TMCC1: variants seen among roughly 807,000 people sequenced by gnomAD.
TMCC1 encodes transmembrane and coiled-coil domain family 1, also known as transmembrane and coiled-coil domains protein 1.
In TMCC1, 15 loss-of-function variants were observed where a neutral mutation model predicts 52.4. The ratio of observed to expected loss-of-function variants is 0.29; its 90% CI spans 0.19 to 0.44. The LOEUF (loss-of-function observed/expected upper bound fraction) is 0.44. TMCC1 is among the 20% of genes least tolerant of loss of function. The pLI is 1.00. For missense variants in TMCC1, 503 were observed against 806.0 expected, an observed-to-expected ratio of 0.62 and a Z score of 4.55; for synonymous variants, 279 against 301.9, an observed-to-expected ratio of 0.92 and a Z score of 0.79.
At chr3:129,659,612 A>G (rs971870788) in intron 5 of TMCC1, among the ~76,000 whole-genome samples, 24 of 152,218 alleles carry the variant, frequency 1.6e-4, no homozygotes, top group African/African-American at 5.5e-4. Flanking sequence ...AGTCCTCAGC[A>G]CTTATTCCCA....
At chr3:129,682,323 C>G (rs370741976) in intron 4 of TMCC1, among the ~76,000 whole-genome samples, 5 of 152,042 alleles carry the variant, frequency 3.3e-5, no homozygotes, top group East Asian at 3.9e-4. Flanking sequence ...ATTCTTGACA[C>G]GTATCATGAA....
intron 4 of TMCC1, among the ~76,000 whole-genome samples, chr3:129,734,411 T>C (rs2050778753): frequency 6.6e-6 from 1 of 152,212 alleles, no homozygotes; most frequent in Non-Finnish European, 1.5e-5. Context: ...CAGATGTACA[T>C]GCAATACAAG....
At chr3:129,721,184 C>T (rs1389668741) in intron 4 of TMCC1, among the ~76,000 whole-genome samples, 3 of 152,206 alleles carry the variant, frequency 2.0e-5, no homozygotes, top group Non-Finnish European at 4.4e-5. Context: ...GTACCCCTGC[C>T]TGGAATGCTC....
At chr3:129,882,905 G>C (rs1325396671) in intron 1 of TMCC1, among the ~76,000 whole-genome samples, 2 of 152,166 alleles carry the variant, frequency 1.3e-5, no homozygotes, top group Non-Finnish European at 2.9e-5. Context: ...CTTTCAGTTT[G>C]CAAGATGAAA....
At chr3:129,716,474 A>G (rs988626414) in intron 4 of TMCC1, among the ~76,000 whole-genome samples, 3 of 149,642 alleles carry the variant, frequency 2.0e-5, no homozygotes, top group Non-Finnish European at 4.4e-5. Flanking sequence ...AGCTGGGACT[A>G]CAGGTGCCTG....
intron 2 of TMCC1, among the ~76,000 whole-genome samples, chr3:129,877,795 A>AT (rs933394761): frequency 1.3e-5 from 2 of 151,036 alleles, no homozygotes; most frequent in African/African-American, 2.4e-5. Flanking sequence ...CGCACAACTA[A>AT]TTTTTTGTAT....
intron 4 of TMCC1, among the ~76,000 whole-genome samples, chr3:129,691,568 G>A (rs1372805335): frequency 1.3e-5 from 2 of 152,090 alleles, no homozygotes; most frequent in Non-Finnish European, 2.9e-5. Context: ...ATCACTTAAG[G>A]CCAGGAGTTT....
intron 4 of TMCC1, among the ~76,000 whole-genome samples, chr3:129,782,603 G>A (rs142407076): frequency 1.0e-3 from 159 of 152,134 alleles, no homozygotes; most frequent in African/African-American, 3.4e-3. Flanking sequence ...TGGTACTAAC[G>A]GATAGAACAA....
intron 2 of TMCC1, among the ~76,000 whole-genome samples, chr3:129,863,194 T>TA (rs2060472412): frequency 6.6e-6 from 1 of 152,324 alleles, no homozygotes; most frequent in South Asian, 2.1e-4. Flanking sequence ...TATGCATACG[T>TA]AAAAATTCAT....
chr3:129,797,283 G>A (rs188878146), intron 4 of TMCC1, among the ~76,000 whole-genome samples: 73 of 151,506 alleles, frequency 4.8e-4, no homozygotes, highest in Non-Finnish European at 8.7e-4. Context: ...CCGAGATCAC[G>A]CCACTGCACT....
chr3:129,885,747 G>A (rs995834520), intron 1 of TMCC1, among the ~76,000 whole-genome samples: 1 of 151,712 alleles, frequency 6.6e-6, no homozygotes, highest in East Asian at 1.9e-4. Context: ...AGGTTTTTTT[G>A]TTTGTTTGTT....
chr3:129,805,973 A>C (rs1359057442), intron 4 of TMCC1, among the ~76,000 whole-genome samples: 4 of 152,046 alleles, frequency 2.6e-5, no homozygotes, highest in Non-Finnish European at 4.4e-5. Flanking sequence ...TATATAGCAA[A>C]ATCACTTTGG....
intron 4 of TMCC1, among the ~76,000 whole-genome samples, chr3:129,698,764 T>A (rs2047599758): frequency 6.6e-6 from 1 of 152,140 alleles, no homozygotes; most frequent in Non-Finnish European, 1.5e-5. Context: ...ATTTTTACGT[T>A]TTTAAGGAGT....
intron 4 of TMCC1, among the ~76,000 whole-genome samples, chr3:129,745,489 G>GA (rs1384513905): frequency 2.0e-5 from 3 of 152,182 alleles, no homozygotes; most frequent in Non-Finnish European, 4.4e-5. Context: ...GCCCTGATGG[G>GA]AAATGCTGTA....
rs565638257 is a variant in TMCC1 at position 129,713,105 on chromosome 3, TA to T, written c.577-41842del. On this transcript the variant is annotated intron_variant, in intron 4 of 6. Coordinates refer to ENST00000393238, the MANE Select transcript of TMCC1 (RefSeq NM_001017395.5). ...AGTGAGACCCTGACTCTACAAAAAA[TA>T]AAAAAAATTGCTAGTTGTAGCGGTG... is the stretch of plus-strand genomic sequence containing the variant. Among the ~76,000 whole-genome samples, 62 of 151,546 alleles carry T rather than the reference TA, an allele frequency of 4.1e-4. No homozygotes were observed. In the East Asian group the frequency reaches 0.011, roughly 26 times the overall value.
chr3:129,762,810 A>G (rs887544899), intron 4 of TMCC1, among the ~76,000 whole-genome samples: 2 of 152,126 alleles, frequency 1.3e-5, no homozygotes, highest in African/African-American at 4.8e-5. Context: ...TAAATATATT[A>G]GAAATATAAA....
chr3:129,666,756 A>G (rs1043447420), intron 5 of TMCC1, among the ~76,000 whole-genome samples: 15 of 151,872 alleles, frequency 9.9e-5, no homozygotes, highest in Non-Finnish European at 1.9e-4. Flanking sequence ...ACAAAGAACA[A>G]AAAAACAAAA....
At chr3:129,710,571 A>C (rs577653446) in intron 4 of TMCC1, among the ~76,000 whole-genome samples, 1 of 152,310 alleles carries the variant, frequency 6.6e-6, no homozygotes, top group South Asian at 2.1e-4. Flanking sequence ...AGATATTCTA[A>C]ATCCAAGTTC....
intron 4 of TMCC1, among the ~76,000 whole-genome samples, chr3:129,732,867 G>A (rs1012763839): frequency 2.0e-5 from 3 of 152,186 alleles, no homozygotes; most frequent in African/African-American, 7.2e-5. Flanking sequence ...AAAAGTTTCT[G>A]TACTTTCTAT....
Sources: gnomAD v4.1 joint callset for allele counts (sites outside exome capture counted in the v4.1 genomes callset) on GRCh38, gnomAD v4.1.1 for gene constraint, MANE v1.5 for transcripts, NCBI Gene and HGNC (gene_info 2026-07-23, HGNC 2026-07-21) for gene names.